The following MORN1 variants were observed in gnomAD, a reference collection of about 807,000 sequenced individuals.
MORN1 encodes MORN repeat containing 1, also known as MORN repeat-containing protein 1.
MORN1 carries 67 observed loss-of-function variants against 61.9 expected under a neutral mutation model. The ratio of observed to expected loss-of-function variants is 1.08; its 90% CI spans 0.89 to 1.33. MORN1 has a LOEUF of 1.33. MORN1 is among the 40% of genes most tolerant of loss of function. MORN1 has a pLI of 0.00. For synonymous variants in MORN1, 301 were observed against 292.0 expected (o/e 1.03, Z -0.31); for missense variants, 752 against 691.2 (o/e 1.09, Z -0.99).
chr1:2,355,454 G>C, intron 10 of MORN1: 1 of 1,550,536 alleles, frequency 6.4e-7, no homozygotes, highest in Non-Finnish European at 8.7e-7. Flanking sequence ...GATCCTAGAA[G>C]AGTGAGCTCC....
chr1:2,386,057 T>C, intron 4 of MORN1, 160 bp from the exon 5 acceptor site: 1 of 635,646 alleles, frequency 1.6e-6, no homozygotes, highest in Non-Finnish European at 2.8e-6. Flanking sequence ...CCTCCAGACC[T>C]GGCTACACAG....
At chr1:2,391,095 C>T (rs1371904185) in intron 1 of MORN1, among the ~76,000 whole-genome samples, 1 of 152,246 alleles carries the variant, frequency 6.6e-6, no homozygotes, top group African/African-American at 2.4e-5. Flanking sequence ...AGGCTTGGTG[C>T]TGCTCCTGCG....
chr1:2,335,839 A>AGCCCG (rs534524869), intron 12 of MORN1, among the ~76,000 whole-genome samples: 24 of 150,062 alleles, frequency 1.6e-4, no homozygotes, highest in African/African-American at 5.8e-4. Flanking sequence ...AGCCCAGCCC[A>AGCCCG]GCCCAGCGCG....
chr1:2,349,555 T>G (rs1412277418), intron 10 of MORN1, among the ~76,000 whole-genome samples: 1 of 152,222 alleles, frequency 6.6e-6, no homozygotes, highest in East Asian at 1.9e-4. Context: ...TATGATGTGA[T>G]TCCTAGAAAA....
intron 4 of MORN1, chr1:2,386,292 A>G (rs745345657): frequency 4.9e-6 from 1 of 202,124 alleles, no homozygotes; most frequent in Non-Finnish European, 1.0e-5. Context: ...AGAAACTTCA[A>G]GTTCACAGTG....
intron 12 of MORN1, among the ~76,000 whole-genome samples, chr1:2,329,823 G>A (rs925883982): frequency 6.6e-6 from 1 of 152,238 alleles, no homozygotes; most frequent in Non-Finnish European, 1.5e-5. Context: ...CAGGTACAGC[G>A]TGGAGGAGGC....
At chr1:2,378,838 G>A in intron 6 of MORN1, 3 of 435,440 alleles carry the variant, frequency 6.9e-6, no homozygotes, top group Non-Finnish European at 9.2e-6. Context: ...AGATGGCTGA[G>A]GCGTCACAGG....
chr1:2,362,736 C>A (rs536106570), intron 8 of MORN1, among the ~76,000 whole-genome samples: 1 of 151,912 alleles, frequency 6.6e-6, no homozygotes, highest in Non-Finnish European at 1.5e-5. Context: ...TGGTGGCGGG[C>A]GCCTGTAATC....
At chr1:2,328,298 C>T (rs1371494681) in intron 12 of MORN1, among the ~76,000 whole-genome samples, 1 of 152,242 alleles carries the variant, frequency 6.6e-6, no homozygotes. Flanking sequence ...CAGGGGACCC[C>T]CTTCCTGCAG....
In MORN1 at chr1:2,374,448, C is replaced by A; in HGVS notation, c.634+13G>T. ...GGACCTCACAGTGCCCACAGGAAGG[C>A]AGGGACACCTACCTGCTGGGTGGCC... On this transcript the variant is annotated intron_variant, in intron 7 of 13. Coordinates refer to ENST00000378531, the MANE Select transcript of MORN1 (RefSeq NM_024848.3). 2 of 1,569,512 alleles carry A rather than the reference C, an allele frequency of 1.3e-6. No homozygotes were observed. Among genetic ancestry groups the A allele is most frequent in the Non-Finnish European group, 1.7e-6 (2 of 1,156,530 alleles).
chr1:2,385,687 G>A lies in MORN1; in HGVS notation c.449+120C>T. The A allele has an allele frequency of 3.5e-6, 3 of 852,300 alleles. No homozygotes were observed. The South Asian group carries it at 4.6e-5, about 13-fold the overall frequency. The allele number at this position is 852,300 out of a possible 1,614,324, so 52.8% of individuals were successfully genotyped here. ...GGGGGGGTGGCGGGTAGACAGCAGG[G>A]GCCGGAACAGGCCCGGGGTGTCCCA... is the stretch of plus-strand genomic sequence containing the variant. On this transcript the variant is annotated intron_variant, in intron 5 of 13. Coordinates refer to ENST00000378531, the MANE Select transcript of MORN1 (RefSeq NM_024848.3).
At chr1:2,322,273 C>T (rs1640898676) in intron 13 of MORN1, 2 of 985,308 alleles carry the variant, frequency 2.0e-6, no homozygotes, top group Non-Finnish European at 1.2e-6. Context: ...CTCTCCCCTC[C>T]CCTGAGCCTG....
intron 9 of MORN1, among the ~76,000 whole-genome samples, chr1:2,358,068 G>C (rs879478626): frequency 1.3e-5 from 2 of 152,218 alleles, no homozygotes; most frequent in African/African-American, 4.8e-5. Context: ...GGGGCTTAGA[G>C]TGAGGCCTCT....
intron 10 of MORN1, among the ~76,000 whole-genome samples, chr1:2,345,092 C>T (rs1446122324): frequency 6.6e-6 from 1 of 151,954 alleles, no homozygotes; most frequent in Admixed American, 6.5e-5. Context: ...CACGCGTGCT[C>T]ACGCTCTACG....
In MORN1 at chr1:2,389,906, G is replaced by A. The variant is rs781553165; in HGVS notation, c.148+19C>T. On this transcript the variant is annotated intron_variant, in intron 2 of 13. Coordinates refer to ENST00000378531, the MANE Select transcript of MORN1 (RefSeq NM_024848.3). ...CTGTGGGGCAGCAGCTGCAAGAAGA[G>A]ACCACAGATGCTTCTCACCGTGCTT... 6.2e-6 allele frequency: 10 copies of A among 1,611,520 alleles called. No homozygotes were observed. In the South Asian group the frequency reaches 7.7e-5, roughly 12 times the overall value.
chr1:2,364,330 C>G (rs1439266229), intron 8 of MORN1, among the ~76,000 whole-genome samples: 1 of 152,124 alleles, frequency 6.6e-6, no homozygotes, highest in Non-Finnish European at 1.5e-5. Context: ...AAAAGCAGAA[C>G]ATTTTTTCAT....
At chr1:2,342,178 G>C (rs1273272932) in intron 10 of MORN1, among the ~76,000 whole-genome samples, 1 of 152,280 alleles carries the variant, frequency 6.6e-6, no homozygotes, top group Non-Finnish European at 1.5e-5. Flanking sequence ...CCCGGGACGG[G>C]ATCGGGCAGC....
intron 4 of MORN1, chr1:2,386,310 C>T (rs990444392): frequency 3.7e-5 from 7 of 189,634 alleles, no homozygotes; most frequent in African/African-American, 1.6e-4. Flanking sequence ...GTGAGGAGGG[C>T]AGGGCTTGAC....
At chr1:2,327,369 C>T (rs915507710) in intron 12 of MORN1, among the ~76,000 whole-genome samples, 1 of 151,430 alleles carries the variant, frequency 6.6e-6, no homozygotes, top group African/African-American at 2.4e-5. Context: ...AACACAGAGA[C>T]ACAGAAATAC....
Sources: allele counts gnomAD v4.1 joint callset (sites outside exome capture counted in the v4.1 genomes callset), GRCh38; gene constraint gnomAD v4.1.1; transcripts MANE v1.5; gene names NCBI Gene and HGNC (gene_info 2026-07-23, HGNC 2026-07-21).